The following TRABD2A variants were observed in gnomAD, a reference collection of about 807,000 sequenced individuals.
TRABD2A encodes metalloprotease TIKI1.
TRABD2A carries 43 observed loss-of-function variants against 45.6 expected under a neutral mutation model. The ratio of observed to expected loss-of-function variants is 0.94; its 90% CI spans 0.74 to 1.22. The LOEUF (loss-of-function observed/expected upper bound fraction) is 1.22, where lower values mean the gene tolerates loss of function less well. Among genes scored for constraint, TRABD2A ranks in the 50% most tolerant of loss-of-function variants. TRABD2A has a pLI of 0.00. For synonymous variants in TRABD2A, 269 were observed against 265.0 expected (o/e 1.02, Z -0.15); for missense variants, 642 against 652.4 (o/e 0.98, Z 0.17).
chr2:84,831,813 G>A (rs1314277137), intron 5 of TRABD2A, among the ~76,000 whole-genome samples: 1 of 152,152 alleles, frequency 6.6e-6, no homozygotes, highest in Non-Finnish European at 1.5e-5. Flanking sequence ...AAACACCACT[G>A]AGGAAAACGC....
intron 2 of TRABD2A, among the ~76,000 whole-genome samples, chr2:84,862,179 C>T (rs1682521805): frequency 6.6e-6 from 1 of 152,196 alleles, no homozygotes; most frequent in Non-Finnish European, 1.5e-5. Flanking sequence ...ACAACTTGGC[C>T]CCAGTCCCAC....
chr2:84,862,814 A>G (rs1682541882), intron 2 of TRABD2A, among the ~76,000 whole-genome samples: 1 of 152,194 alleles, frequency 6.6e-6, no homozygotes, highest in Non-Finnish European at 1.5e-5. Flanking sequence ...GCCTGTGCCC[A>G]GGGGGAAGCA....
chr2:84,822,878 A>G (rs894707092), intron 6 of TRABD2A, among the ~76,000 whole-genome samples: 33 of 152,174 alleles, frequency 2.2e-4, no homozygotes, highest in Admixed American at 2.0e-3. Context: ...CTCTGGACAC[A>G]TCTCACCCCA....
chr2:84,849,998 A>G (rs1206254953), intron 2 of TRABD2A, among the ~76,000 whole-genome samples: 2 of 152,208 alleles, frequency 1.3e-5, no homozygotes, highest in Admixed American at 1.3e-4. Flanking sequence ...ACATTATTTC[A>G]AAAGAAATTC....
intron 2 of TRABD2A, among the ~76,000 whole-genome samples, chr2:84,869,014 CCAAA>C (rs1682784291): frequency 6.6e-6 from 1 of 152,086 alleles, no homozygotes; most frequent in African/African-American, 2.4e-5. Context: ...TCTTAGTGTG[CCAAA>C]CAAATACTAT....
chr2:84,822,070 G>T lies in TRABD2A; in HGVS notation c.1365C>A (p.Val455=). The change falls in exon 7 of 7, where the codon GTC becomes GTA. Residue 455 remains valine, a synonymous_variant. Coordinates refer to ENST00000409520, the MANE Select transcript of TRABD2A (RefSeq NM_001277053.2). ...SDIVPQLQVP[V]LDRHISTELR... ...GTTCAGTGGAGATGTGCCTGTCCAG[G>T]ACAGGGACCTGGAGTTGCGGGACTA... 1 of 1,586,310 alleles carries T rather than the reference G, an allele frequency of 6.3e-7. No individual in the cohort carries two copies. The highest frequency in any genetic ancestry group is 8.6e-7 in the Non-Finnish European group (1 of 1,166,296).
Position 84,879,367 on chromosome 2 carries a change from G to GAC in TRABD2A, c.108+1563_108+1564dup, listed in dbSNP as rs149808573. ...GTAATTTTTTTTATTTTTTTGTAGAGACAAGGGTCTCGCCATGTTGGCCAG... is the reference window on the plus strand; with the variant it reads ...GTAATTTTTTTTATTTTTTTGTAGAGACACAAGGGTCTCGCCATGTTGGCCAG... On this transcript the variant is annotated intron_variant, in intron 1 of 6. Transcript: ENST00000409520. 6.1e-3 allele frequency among the ~76,000 whole-genome samples: 928 copies of GAC among 152,088 alleles called. 15 individuals are homozygous for GAC. Among genetic ancestry groups the GAC allele is most frequent in the African/African-American group, 0.021 (885 of 41,490 alleles).
intron 2 of TRABD2A, among the ~76,000 whole-genome samples, chr2:84,850,084 C>T (rs1297213107): frequency 6.6e-6 from 1 of 152,200 alleles, no homozygotes; most frequent in East Asian, 1.9e-4. Flanking sequence ...TGCCAAGCTA[C>T]TAACACTGAT....
chr2:84,854,779 G>C (rs762207141), intron 2 of TRABD2A, among the ~76,000 whole-genome samples: 4 of 152,146 alleles, frequency 2.6e-5, no homozygotes, highest in Non-Finnish European at 5.9e-5. Context: ...AGCACCACCA[G>C]GTAAGATGCA....
intron 4 of TRABD2A, among the ~76,000 whole-genome samples, chr2:84,838,709 T>A (rs1217867194): frequency 6.6e-6 from 1 of 152,212 alleles, no homozygotes; most frequent in African/African-American, 2.4e-5. Flanking sequence ...ATTGTCCTAT[T>A]CTGTCTCCAT....
chr2:84,862,440 G>A (rs1682531769), intron 2 of TRABD2A, among the ~76,000 whole-genome samples: 1 of 152,158 alleles, frequency 6.6e-6, no homozygotes, highest in South Asian at 2.1e-4. Flanking sequence ...GTTCACCAGG[G>A]CAGGAGGCAG....
intron 1 of TRABD2A, among the ~76,000 whole-genome samples, chr2:84,876,752 C>A (rs935679061): frequency 6.6e-6 from 1 of 152,160 alleles, no homozygotes; most frequent in Non-Finnish European, 1.5e-5. Context: ...TGCTGAGGAG[C>A]ACCACCTGAT....
In TRABD2A at chr2:84,825,775, C is replaced by T. The variant is rs114081806; in HGVS notation, c.1083-1571G>A. On this transcript the variant is annotated intron_variant, in intron 5 of 6. Coordinates refer to ENST00000409520, the MANE Select transcript of TRABD2A (RefSeq NM_001277053.2). ...CAGGATGTGAGTGGCAGGCAAGCAACCATATTACCACCTGAGCTCCACATC... is the reference window on the plus strand; with the variant it reads ...CAGGATGTGAGTGGCAGGCAAGCAATCATATTACCACCTGAGCTCCACATC... 2.0e-5 allele frequency among the ~76,000 whole-genome samples: 3 copies of T among 152,172 alleles called. No homozygotes were observed. In the East Asian group the frequency reaches 5.8e-4, roughly 29 times the overall value.
intron 2 of TRABD2A, among the ~76,000 whole-genome samples, chr2:84,861,755 CCTGT>C (rs1017823389): frequency 6.6e-6 from 1 of 152,344 alleles, no homozygotes; most frequent in Admixed American, 6.5e-5. Context: ...AACCTACCTG[CCTGT>C]ATTCTGCTCA....
intron 2 of TRABD2A, among the ~76,000 whole-genome samples, chr2:84,852,505 G>A (rs532402931): frequency 3.0e-4 from 46 of 152,234 alleles, no homozygotes; most frequent in African/African-American, 1.0e-3. Context: ...GCTGGGGGGA[G>A]GGGTGGCCAG....
intron 2 of TRABD2A, among the ~76,000 whole-genome samples, chr2:84,855,141 T>C (rs1682231643): frequency 6.6e-6 from 1 of 152,158 alleles, no homozygotes; most frequent in Non-Finnish European, 1.5e-5. Context: ...CCCCACAGAA[T>C]GGACTTTAAA....
chr2:84,880,902 C>T (rs1384924450), intron 1 of TRABD2A, 30 bp downstream of exon 1: 3 of 1,564,598 alleles, frequency 1.9e-6, no homozygotes, highest in South Asian at 2.3e-5. Context: ...GCAGAGAGGC[C>T]GGCTCTCCAG....
At chr2:84,847,104 G>A (rs1329914080) in intron 2 of TRABD2A, among the ~76,000 whole-genome samples, 1 of 152,220 alleles carries the variant, frequency 6.6e-6, no homozygotes. Flanking sequence ...GCTAGAGGAG[G>A]TAACTCCCTC....
intron 2 of TRABD2A, among the ~76,000 whole-genome samples, chr2:84,859,423 T>A (rs1165818887): frequency 2.0e-5 from 3 of 152,202 alleles, no homozygotes; most frequent in African/African-American, 7.2e-5. Context: ...TCTAGAAGTT[T>A]ATGTGCCAGG....
Sources: allele counts gnomAD v4.1 joint callset (sites outside exome capture counted in the v4.1 genomes callset), GRCh38; gene constraint gnomAD v4.1.1; transcripts MANE v1.5; gene names NCBI Gene and HGNC (gene_info 2026-07-23, HGNC 2026-07-21).